The following CENPK variants were observed in gnomAD, a reference collection of about 807,000 sequenced individuals.
CENPK encodes SoxLZ/Sox6-binding protein Solt.
A neutral mutation model predicts 40.9 loss-of-function variants in CENPK; 46 were observed. The ratio of observed to expected loss-of-function variants is 1.13; its 90% CI spans 0.89 to 1.44. The LOEUF (loss-of-function observed/expected upper bound fraction) is 1.44, where lower values mean the gene tolerates loss of function less well. Ranked by LOEUF, CENPK falls within the 40% of genes most tolerant of loss-of-function variation. The pLI is 0.00. For synonymous variants in CENPK, 107 were observed against 104.4 expected, an observed-to-expected ratio of 1.02 and a Z score of -0.15; for missense variants, 288 against 303.5, an observed-to-expected ratio of 0.95 and a Z score of 0.38.
In CENPK at chr5:65,551,414, A is replaced by G. The variant is rs1258641613; in HGVS notation, c.241+150T>C. On this transcript the variant is annotated intron_variant, in intron 5 of 10. Transcript: ENST00000396679. ...ATAATAATAAAAGAAGTACAAAATA[A>G]TTCACAGAAAAAAAGTGGCTTCTCG... 6 of 554,158 alleles carry G rather than the reference A, an allele frequency of 1.1e-5. No individual in the cohort carries two copies. The East Asian group carries it at 1.8e-4, about 17-fold the overall frequency. 34.3% of individuals were successfully genotyped at this position (554,158 alleles called of 1,614,324 possible).
chr5:65,519,277 C>T (rs1743269309), intron 10 of CENPK, among the ~76,000 whole-genome samples: 1 of 152,182 alleles, frequency 6.6e-6, no homozygotes, highest in African/African-American at 2.4e-5. Context: ...ATCAAACAAG[C>T]TTGGGAAAGC....
chr5:65,546,269 G>A (rs1297274851), intron 5 of CENPK, among the ~76,000 whole-genome samples: 1 of 152,114 alleles, frequency 6.6e-6, no homozygotes, highest in African/African-American at 2.4e-5. Flanking sequence ...GCCTCCCAAA[G>A]TGCTGGGATT....
Position 65,544,458 on chromosome 5 carries a change from A to G in CENPK, c.242-1610T>C, listed in dbSNP as rs117806737. On this transcript the variant is annotated intron_variant, in intron 5 of 10. Coordinates refer to ENST00000396679, the MANE Select transcript of CENPK (RefSeq NM_022145.5). ...GGTGGGATTGAAATATGGTGTGACC[A>G]TTATGGAAAATAGTATAGGTGGTTC... Among the ~76,000 whole-genome samples the G allele has an allele frequency of 4.0e-3, 611 of 152,328 alleles. 11 individuals carry two copies. Among genetic ancestry groups the G allele is most frequent in the East Asian group, 0.022 (113 of 5,192 alleles).
chr5:65,533,387 A>G (rs989907527), intron 6 of CENPK, among the ~76,000 whole-genome samples: 9 of 151,966 alleles, frequency 5.9e-5, no homozygotes, highest in African/African-American at 1.9e-4. Flanking sequence ...ACAAAATAAA[A>G]TAAGACTTCA....
chr5:65,544,891 T>C (rs1267605752), intron 5 of CENPK, among the ~76,000 whole-genome samples: 1 of 152,182 alleles, frequency 6.6e-6, no homozygotes, highest in Non-Finnish European at 1.5e-5. Context: ...AGGAGAGTTG[T>C]TGTTTAATGT....
chr5:65,533,558 G>A (rs1746294615), intron 6 of CENPK, among the ~76,000 whole-genome samples: 1 of 151,918 alleles, frequency 6.6e-6, no homozygotes, highest in Non-Finnish European at 1.5e-5. Context: ...ATATTTTACT[G>A]AAGTACAAGT....
In CENPK at chr5:65,563,159, G is replaced by C; in HGVS notation, c.-203C>G. On this transcript the variant is annotated 5_prime_UTR_variant, in exon 1 of 11. Coordinates refer to ENST00000396679, the MANE Select transcript of CENPK (RefSeq NM_022145.5). Reference sequence around the variant, plus strand: ...TGCGCAGGAAGCGCTTGCCAGCCCCGGACTTCTGCGCGCGCTGCATGCCCA... The same window carrying C: ...TGCGCAGGAAGCGCTTGCCAGCCCCCGACTTCTGCGCGCGCTGCATGCCCA... The C allele has an allele frequency of 9.8e-7, 1 of 1,019,510 alleles. No individual in the cohort carries two copies. The highest frequency in any genetic ancestry group is 1.4e-6 in the Non-Finnish European group (1 of 712,784). The allele number at this position is 1,019,510 out of a possible 1,614,324, so 63.2% of individuals were successfully genotyped here. A position where few individuals can be genotyped will look rare whatever the true frequency, so the allele number is the denominator to read the frequency against.
At chr5:65,499,554 T>A in the CENPK span, among the ~76,000 whole-genome samples, 1 of 152,006 alleles carries the variant, frequency 6.6e-6, no homozygotes, top group African/African-American at 2.4e-5. Context: ...ATCTGTAGGT[T>A]TATGCTTTTT....
At chr5:65,534,652 A>G (rs1161677385) in intron 6 of CENPK, among the ~76,000 whole-genome samples, 1 of 152,214 alleles carries the variant, frequency 6.6e-6, no homozygotes, top group East Asian at 1.9e-4. Flanking sequence ...TCTTCAACAA[A>G]TACCGCTGGA....
chr5:65,544,576 A>G (rs1220493525), intron 5 of CENPK, among the ~76,000 whole-genome samples: 1 of 152,228 alleles, frequency 6.6e-6, no homozygotes, highest in Non-Finnish European at 1.5e-5. Context: ...AGAACTGCAC[A>G]TCCATGTTCA....
At chr5:65,542,337 GT>G (rs1748116373) in intron 6 of CENPK, among the ~76,000 whole-genome samples, 1 of 152,192 alleles carries the variant, frequency 6.6e-6, no homozygotes, top group African/African-American at 2.4e-5. Flanking sequence ...CAAAAACCGA[GT>G]TCAAAATTCA....
chr5:65,498,609 CTTTTT>C, the CENPK span, among the ~76,000 whole-genome samples: 1 of 148,836 alleles, frequency 6.7e-6, no homozygotes, highest in Non-Finnish European at 1.5e-5. Context: ...TCTTTCTTTT[CTTTTT>C]TTCTTTCTTT....
At chr5:65,502,716 T>G in the CENPK span, among the ~76,000 whole-genome samples, 2 of 152,032 alleles carry the variant, frequency 1.3e-5, no homozygotes, top group Non-Finnish European at 2.9e-5. Flanking sequence ...GCTCTAACAA[T>G]CCTCCCACAT....
chr5:65,550,362 T>C (rs186608856), intron 5 of CENPK: 26 of 152,200 alleles, frequency 1.7e-4, no homozygotes, highest in Middle Eastern at 6.8e-3. Flanking sequence ...TTAGAAACAA[T>C]TGGAGGGTTA....
intron 6 of CENPK, among the ~76,000 whole-genome samples, chr5:65,533,974 G>A (rs529233262): frequency 6.6e-6 from 1 of 150,946 alleles, no homozygotes. Flanking sequence ...CGTGAACCCG[G>A]GAGGTGGAGC....
At chr5:65,558,748 C>T (rs976116227) in intron 2 of CENPK, among the ~76,000 whole-genome samples, 4 of 151,742 alleles carry the variant, frequency 2.6e-5, no homozygotes, top group African/African-American at 4.8e-5. Flanking sequence ...CAGACAGGGA[C>T]AAAGTGAAAG....
rs1488718028 is a variant in CENPK, at chr5:65,552,252, GT to G, written c.168+240del. On this transcript the variant is annotated intron_variant, in intron 4 of 10. Transcript: ENST00000396679. ...TACTCAGTTGTTAAATATATGTATA[GT>G]TGCTAAAAGACAAATAATAAAGAAA... Among the ~76,000 whole-genome samples the G allele has an allele frequency of 1.4e-4, 21 of 152,206 alleles. 1 individual carries two copies. Among genetic ancestry groups the G allele is most frequent in the African/African-American group, 4.3e-4 (18 of 41,544 alleles).
chr5:65,513,119 C>T (rs1251430436), downstream of CENPK, among the ~76,000 whole-genome samples: 1 of 152,120 alleles, frequency 6.6e-6, no homozygotes, highest in Non-Finnish European at 1.5e-5. Context: ...CAGATTGTGG[C>T]ATATTTTTTC....
intron 5 of CENPK, among the ~76,000 whole-genome samples, chr5:65,548,259 G>C (rs187058830): frequency 3.9e-5 from 6 of 152,090 alleles, no homozygotes; most frequent in Non-Finnish European, 7.4e-5. Context: ...TTATACTGTA[G>C]TCTATTAAAT....
Sources: gnomAD v4.1 joint callset for allele counts (sites outside exome capture counted in the v4.1 genomes callset) on GRCh38, gnomAD v4.1.1 for gene constraint, MANE v1.5 for transcripts, NCBI Gene and HGNC (gene_info 2026-07-23, HGNC 2026-07-21) for gene names.